CES5A: variants seen among roughly 807,000 people sequenced by gnomAD.
CES5A encodes the protein carboxylesterase 5A.
CES5A carries 67 observed loss-of-function variants against 62.9 expected under a neutral mutation model. The ratio of observed to expected loss-of-function variants is 1.07; its 90% CI spans 0.88 to 1.31. CES5A has a LOEUF of 1.31. CES5A is among the 50% of genes most tolerant of loss of function. The pLI is 0.00. For missense variants in CES5A, 748 were observed against 708.5 expected (o/e 1.06, Z -0.63); for synonymous variants, 296 against 280.8 (o/e 1.05, Z -0.54).
At chr16:55,946,953 C>A (rs1257506595) in intron 2 of CES5A, among the ~76,000 whole-genome samples, 4 of 152,214 alleles carry the variant, frequency 2.6e-5, no homozygotes, top group Non-Finnish European at 5.9e-5. Flanking sequence ...GCTGACTTCA[C>A]ATCTGCTCAC....
upstream of CES5A, among the ~76,000 whole-genome samples, chr16:55,930,216 C>T (rs1207014945): frequency 6.6e-6 from 1 of 151,758 alleles, no homozygotes; most frequent in Admixed American, 6.6e-5. Flanking sequence ...CCCCACAATT[C>T]AGCAACCAAA....
At chr16:55,900,145 G>A (rs995301033) in intron 1 of CES5A, among the ~76,000 whole-genome samples, 10 of 152,060 alleles carry the variant, frequency 6.6e-5, no homozygotes, top group Non-Finnish European at 1.3e-4. Flanking sequence ...GACCTCCATC[G>A]CAGGCTCATT....
intron 2 of CES5A, among the ~76,000 whole-genome samples, chr16:55,939,352 G>A (rs1422894111): frequency 6.6e-6 from 1 of 152,118 alleles, no homozygotes; most frequent in Non-Finnish European, 1.5e-5. Context: ...AGAGTACAAA[G>A]GGGTAGTTCC....
At chr16:55,858,189 C>T (rs7501176) in intron 8 of CES5A, among the ~76,000 whole-genome samples, 49,726 of 151,814 alleles carry the variant, frequency 0.33, 9,315 homozygotes, top group African/African-American at 0.52. Flanking sequence ...CAGAGAGAGA[C>T]TCTGACTCAA....
chr16:55,868,431 T>C (rs1160670472), intron 4 of CES5A, among the ~76,000 whole-genome samples: 3 of 152,130 alleles, frequency 2.0e-5, no homozygotes, highest in Non-Finnish European at 2.9e-5. Context: ...AAGCACATGT[T>C]CTCTGAACCC....
rs1328035118 is a variant in CES5A at position 55,869,385 on chromosome 16, T to C, written c.551+226A>G. ...AGGAAGAATGTCTGCCGATCAGGGA[T>C]GCTCAATTAAACTTTACCCAAGTGA... On this transcript the variant is annotated intron_variant, in intron 4 of 12. Transcript: ENST00000290567. The C allele has an allele frequency of 1.0e-5, 7 of 694,160 alleles. 1 individual carries two copies. The highest frequency in any genetic ancestry group is 3.6e-5 in the East Asian group (1 of 27,466). 43.0% of individuals were successfully genotyped at this position (694,160 alleles called of 1,614,324 possible).
intron 1 of CES5A, among the ~76,000 whole-genome samples, chr16:55,918,181 T>C (rs1251802700): frequency 2.2e-4 from 33 of 152,174 alleles, no homozygotes; most frequent in African/African-American, 7.7e-4. Context: ...TAGGTCTCGC[T>C]GACCAACATC....
At position 55,938,383 on chromosome 16, in the gene CES5A, G is replaced by C. The variant is rs983310024; in HGVS notation, c.160+11402C>G. ...TGGAGAACCATGAAATCAGCTAATT[G>C]CTCTCTCAAGGAAGGGGATGCTGCC... On this transcript the variant is annotated intron_variant, in intron 2 of 13. Transcript: ENST00000521992. 2.0e-5 allele frequency among the ~76,000 whole-genome samples: 3 copies of C among 152,024 alleles called. No homozygotes were observed. The South Asian group carries it at 6.2e-4, about 32-fold the overall frequency.
intron 1 of CES5A, among the ~76,000 whole-genome samples, chr16:55,911,877 C>G (rs760051538): frequency 6.6e-6 from 1 of 152,188 alleles, no homozygotes; most frequent in Non-Finnish European, 1.5e-5. Context: ...CCTGCCCAGA[C>G]CCAGACCAGT....
intron 2 of CES5A, among the ~76,000 whole-genome samples, chr16:55,931,960 G>A (rs1334828259): frequency 3.9e-5 from 6 of 152,136 alleles, no homozygotes; most frequent in African/African-American, 7.2e-5. Context: ...CACCAATGTC[G>A]CATTATGAAG....
At chr16:55,877,408 A>ATG (rs201300942), upstream of CES5A, among the ~76,000 whole-genome samples, 18 of 150,750 alleles carry the variant, frequency 1.2e-4, no homozygotes, top group South Asian at 2.1e-4. Flanking sequence ...ATGTATACAT[A>ATG]TGTGTGTGTG....
At chr16:55,930,395 T>C (rs933871101), upstream of CES5A, among the ~76,000 whole-genome samples, 1 of 152,218 alleles carries the variant, frequency 6.6e-6, no homozygotes, top group Non-Finnish European at 1.5e-5. Flanking sequence ...CTTGATACCT[T>C]CCACTCCCTG....
intron 4 of CES5A, among the ~76,000 whole-genome samples, chr16:55,867,636 C>A (rs2033491512): frequency 6.6e-6 from 1 of 152,146 alleles, no homozygotes; most frequent in Non-Finnish European, 1.5e-5. Flanking sequence ...CCCTGGTCCC[C>A]ATTTCTCCAT....
At chr16:55,911,249 A>G (rs2034089325) in intron 1 of CES5A, among the ~76,000 whole-genome samples, 1 of 152,164 alleles carries the variant, frequency 6.6e-6, no homozygotes, top group Non-Finnish European at 1.5e-5. Context: ...CAGACAGGAA[A>G]ACAGAAGATA....
chr16:55,871,715 C>T lies in CES5A; in HGVS notation c.327G>A (p.Lys109=), dbSNP rs370635715. ...ACACTCCGAATTTCGGGTAATGCACCTTGAGCATATGTTGATCTAAGAGCA... is the reference window on the plus strand; with the variant it reads ...ACACTCCGAATTTCGGGTAATGCACTTTGAGCATATGTTGATCTAAGAGCA... ...EWLLLDQHML[K]VHYPKFGVSE... The change falls in exon 3 of 13, where the codon AAG becomes AAA. Residue 109 remains lysine (K), a synonymous_variant. Coordinates refer to ENST00000290567, the MANE Select transcript of CES5A (RefSeq NM_001143685.2). The T allele has an allele frequency of 3.1e-6, 5 of 1,613,992 alleles. No homozygotes were observed. The African/African-American group carries it at 5.3e-5, about 17-fold the overall frequency.
chr16:55,872,096 C>T lies in CES5A; in HGVS notation c.279-333G>A, dbSNP rs139531716. On this transcript the variant is annotated intron_variant, in intron 2 of 12. Coordinates refer to ENST00000290567, the MANE Select transcript of CES5A (RefSeq NM_001143685.2). ...CACATAACGACCCAAGCTGGCCCAACAATTCCCCAAACTGTAGAGGGCAGG... is the reference window on the plus strand; with the variant it reads ...CACATAACGACCCAAGCTGGCCCAATAATTCCCCAAACTGTAGAGGGCAGG... Among the ~76,000 whole-genome samples the T allele has an allele frequency of 6.3e-4, 96 of 152,300 alleles. 1 individual carries two copies. The East Asian group carries it at 0.016, about 26-fold the overall frequency.
At position 55,930,605 on chromosome 16, in the gene CES5A, T is replaced by G. The variant is rs78901082; in HGVS notation, c.160+19180A>C. ...GCCCTTGCCAGATGCAGCCCCTCGA[T>G]TTTGGACTTCCCAGTCTTCAGAACT... On this transcript the variant is annotated intron_variant, in intron 2 of 13. Coordinates refer to the CES5A transcript ENST00000521992. Among the ~76,000 whole-genome samples, 1,006 of 152,300 alleles carry G rather than the reference T, an allele frequency of 6.6e-3. 14 individuals are homozygous for G. The highest frequency in any genetic ancestry group is 0.023 in the African/African-American group (972 of 41,576).
intron 1 of CES5A, among the ~76,000 whole-genome samples, chr16:55,913,223 CT>C (rs1369730443): frequency 1.3e-5 from 2 of 152,016 alleles, no homozygotes; most frequent in African/African-American, 4.8e-5. Flanking sequence ...GTTTTTCTTG[CT>C]GTCTGAAGTG....
chr16:55,880,256 C>T (rs1259298273), upstream of CES5A, among the ~76,000 whole-genome samples: 6 of 152,098 alleles, frequency 3.9e-5, no homozygotes, highest in African/African-American at 1.4e-4. Flanking sequence ...TATTTTCTGC[C>T]CCAGGGCAGA....
Sources: allele counts gnomAD v4.1 joint callset (sites outside exome capture counted in the v4.1 genomes callset), GRCh38; gene constraint gnomAD v4.1.1; transcripts MANE v1.5; gene names NCBI Gene and HGNC (gene_info 2026-07-23, HGNC 2026-07-21).